TTC28: variants seen among roughly 807,000 people sequenced by gnomAD.
TTC28 encodes the protein tetratricopeptide repeat domain 28.
In TTC28, 61 loss-of-function variants were observed where a neutral mutation model predicts 198.0. That is an observed-to-expected ratio of 0.31 (90% CI 0.25 to 0.38). TTC28 has a LOEUF of 0.38. Among genes scored for constraint, TTC28 ranks in the 10% least tolerant of loss-of-function variants. TTC28 has a pLI of 1.00. For missense variants in TTC28, 2,678 were observed against 3,164.0 expected, an observed-to-expected ratio of 0.85 and a Z score of 3.69; for synonymous variants, 1,171 against 1,297.8, an observed-to-expected ratio of 0.90 and a Z score of 2.10.
chr22:28,455,989 C>A (rs1199373435), intron 2 of TTC28, among the ~76,000 whole-genome samples: 1 of 151,792 alleles, frequency 6.6e-6, no homozygotes, highest in African/African-American at 2.4e-5. Context: ...GAAACCCCAT[C>A]TCTACTAAAA....
intron 2 of TTC28, among the ~76,000 whole-genome samples, chr22:28,458,096 C>T (rs1362297434): frequency 1.3e-5 from 2 of 152,126 alleles, no homozygotes; most frequent in East Asian, 3.9e-4. Flanking sequence ...TTTCTAAAAT[C>T]TCAGTCAACT....
chr22:28,334,203 A>G (rs1389831717), intron 2 of TTC28, among the ~76,000 whole-genome samples: 1 of 151,954 alleles, frequency 6.6e-6, no homozygotes, highest in Admixed American at 6.6e-5. Flanking sequence ...ATGGCTGCAT[A>G]GTATTCCATG....
intron 2 of TTC28, among the ~76,000 whole-genome samples, chr22:28,460,691 G>A (rs2047938240): frequency 6.6e-6 from 1 of 151,662 alleles, no homozygotes. Flanking sequence ...AGATAGGCAG[G>A]CAGGCAGATT....
chr22:28,267,607 A>G (rs565814040), intron 5 of TTC28, among the ~76,000 whole-genome samples: 27 of 152,246 alleles, frequency 1.8e-4, no homozygotes, highest in Non-Finnish European at 3.4e-4. Flanking sequence ...TGACAGTCAT[A>G]ATACTGAATA....
intron 2 of TTC28, among the ~76,000 whole-genome samples, chr22:28,322,024 G>C (rs2045454244): frequency 6.6e-6 from 1 of 152,092 alleles, no homozygotes; most frequent in Non-Finnish European, 1.5e-5. Flanking sequence ...TAGAGACAGG[G>C]TTTCACCATA....
intron 2 of TTC28, among the ~76,000 whole-genome samples, chr22:28,490,782 T>C (rs1344174680): frequency 6.6e-6 from 1 of 152,176 alleles, no homozygotes; most frequent in African/African-American, 2.4e-5. Context: ...AATGGTGCGG[T>C]TGTCTTCTAA....
chr22:28,527,548 G>A (rs1380815610), intron 2 of TTC28, among the ~76,000 whole-genome samples: 1 of 152,064 alleles, frequency 6.6e-6, no homozygotes, highest in Non-Finnish European at 1.5e-5. Context: ...TCAGACATTG[G>A]GGAAGGGGCA....
At position 28,083,656 on chromosome 22, in the gene TTC28, C is replaced by G. The variant is rs142839124; in HGVS notation, c.3932+10424G>C. Among the ~76,000 whole-genome samples the G allele has an allele frequency of 3.8e-3, 573 of 152,338 alleles. 6 individuals are homozygous for G. The highest frequency in any genetic ancestry group is 0.014 in the Middle Eastern group (4 of 294). ...GTTCATCTCACTGGGGAGTGCCAGA[C>G]AGCAGGTGCAGGACAGCGGGTGCAG... On this transcript the variant is annotated intron_variant, in intron 12 of 22. Transcript: ENST00000397906.
chr22:28,312,301 A>G (rs1166739077), intron 2 of TTC28, among the ~76,000 whole-genome samples: 10 of 152,168 alleles, frequency 6.6e-5, no homozygotes, highest in Non-Finnish European at 1.2e-4. Flanking sequence ...TATTAGAGCA[A>G]CGAGACAGAA....
intron 5 of TTC28, among the ~76,000 whole-genome samples, chr22:28,251,528 T>C (rs1175366361): frequency 1.3e-5 from 2 of 152,188 alleles, no homozygotes; most frequent in African/African-American, 2.4e-5. Flanking sequence ...CTGGAGTCTA[T>C]ACCTGGCTCT....
rs372818147 is a variant in TTC28 at position 28,055,481 on chromosome 22, A to G, written c.3933-25115T>C. 1.9e-4 allele frequency among the ~76,000 whole-genome samples: 29 copies of G among 152,330 alleles called. No homozygotes were observed. The East Asian group carries it at 2.5e-3, about 13-fold the overall frequency. On this transcript the variant is annotated intron_variant, in intron 12 of 22. Transcript: ENST00000397906. ...AAGTTAAAGAAGTCAAGCCCCTTGA[A>G]GGACATCGAAGATTTAGATGAATAG...
chr22:28,271,443 T>C (rs192408554), intron 5 of TTC28, among the ~76,000 whole-genome samples: 6 of 152,288 alleles, frequency 3.9e-5, no homozygotes, highest in Admixed American at 1.3e-4. Flanking sequence ...AGAAAACCCT[T>C]TACATGTAGT....
chr22:28,349,706 C>A (rs1025743005), intron 2 of TTC28, among the ~76,000 whole-genome samples: 1 of 152,056 alleles, frequency 6.6e-6, no homozygotes, highest in Non-Finnish European at 1.5e-5. Flanking sequence ...TACAATGAGA[C>A]TGAATAAATT....
chr22:27,992,064 T>C (rs755171406), intron 19 of TTC28, among the ~76,000 whole-genome samples: 3 of 151,990 alleles, frequency 2.0e-5, no homozygotes, highest in Non-Finnish European at 4.4e-5. Flanking sequence ...CACTCGTCAA[T>C]CAGCTGAAAA....
intron 11 of TTC28, among the ~76,000 whole-genome samples, chr22:28,095,158 T>C (rs1285872241): frequency 6.6e-6 from 1 of 152,174 alleles, no homozygotes; most frequent in Non-Finnish European, 1.5e-5. Context: ...GATTCCACTG[T>C]AGCCAACATT....
At chr22:28,481,318 T>C (rs1224996805) in intron 2 of TTC28, among the ~76,000 whole-genome samples, 1 of 152,220 alleles carries the variant, frequency 6.6e-6, no homozygotes, top group African/African-American at 2.4e-5. Context: ...CTGTTAGATA[T>C]TTCCCCATTT....
chr22:28,138,379 T>C (rs1440429097), intron 6 of TTC28, among the ~76,000 whole-genome samples: 1 of 152,226 alleles, frequency 6.6e-6, no homozygotes, highest in African/African-American at 2.4e-5. Flanking sequence ...AATAAATCTC[T>C]TTCTGTCACA....
Position 28,108,454 on chromosome 22 carries a change from A to G in TTC28, c.1442-51T>C, listed in dbSNP as rs1274692475. ...CTAAGACTGAAATAACTGATTTGCA[A>G]TGTAGAAAGAAATGTAATTTGCATC... On this transcript the variant is annotated intron_variant, in intron 6 of 22. Coordinates refer to ENST00000397906, the MANE Select transcript of TTC28 (RefSeq NM_001145418.2). 6 of 1,363,442 alleles carry G rather than the reference A, an allele frequency of 4.4e-6. No homozygotes were observed. The African/African-American group carries it at 8.8e-5, about 20-fold the overall frequency. The allele number at this position is 1,363,442 out of a possible 1,614,324, so 84.5% of individuals were successfully genotyped here. A position where few individuals can be genotyped will look rare whatever the true frequency, so the allele number is the denominator to read the frequency against.
chr22:28,309,781 G>C (rs2045218816), intron 2 of TTC28, among the ~76,000 whole-genome samples: 1 of 152,056 alleles, frequency 6.6e-6, no homozygotes, highest in South Asian at 2.1e-4. Context: ...ACCACATACT[G>C]GTCATTGGTT....
Sources: gnomAD v4.1 joint callset for allele counts (sites outside exome capture counted in the v4.1 genomes callset) on GRCh38, gnomAD v4.1.1 for gene constraint, MANE v1.5 for transcripts, NCBI Gene and HGNC (gene_info 2026-07-23, HGNC 2026-07-21) for gene names.